IGSF21: variants seen among roughly 807,000 people sequenced by gnomAD.
IGSF21 encodes the protein immunoglobin superfamily member 21.
IGSF21 carries 28 observed loss-of-function variants against 46.8 expected under a neutral mutation model. That is an observed-to-expected ratio of 0.60 (90% CI 0.44 to 0.82). The LOEUF (loss-of-function observed/expected upper bound fraction) is 0.82. Among genes scored for constraint, IGSF21 ranks in the 40% least tolerant of loss-of-function variants. The pLI is 0.00. For synonymous variants in IGSF21, 284 were observed against 273.6 expected (o/e 1.04, Z -0.38); for missense variants, 624 against 665.5 (o/e 0.94, Z 0.69).
At chr1:18,216,208 G>GTTCCAGGAAGAGGAACTTCC (rs1553154737) in intron 1 of IGSF21, among the ~76,000 whole-genome samples, 6 of 151,704 alleles carry the variant, frequency 4.0e-5, no homozygotes, top group Admixed American at 3.9e-4. Context: ...GAGGAGAAGG[G>GTTCCAGGAAGAGGAACTTCC]TGTTCCAGGA....
intron 3 of IGSF21, among the ~76,000 whole-genome samples, chr1:18,318,465 CGTGTGTGT>C (rs60257732): frequency 8.6e-4 from 128 of 148,798 alleles, no homozygotes; most frequent in Non-Finnish European, 1.4e-3. Flanking sequence ...TGCGTGCGTG[CGTGTGTGT>C]GTGTGTGTGT....
intron 3 of IGSF21, among the ~76,000 whole-genome samples, chr1:18,298,264 G>T (rs1393203540): frequency 6.6e-6 from 1 of 152,178 alleles, no homozygotes. Flanking sequence ...AGAGAGGGTG[G>T]GTTGGAAGTG....
intron 1 of IGSF21, among the ~76,000 whole-genome samples, chr1:18,227,184 C>T (rs925711): frequency 0.47 from 72,135 of 151,958 alleles, 17,334 homozygotes; most frequent in Non-Finnish European, 0.49. Flanking sequence ...GGCTTGGACC[C>T]GACCCTCCCT....
chr1:18,138,216 C>T (rs1204470457), intron 1 of IGSF21, among the ~76,000 whole-genome samples: 3 of 152,140 alleles, frequency 2.0e-5, no homozygotes, highest in Non-Finnish European at 4.4e-5. Flanking sequence ...AACCAGTGAG[C>T]TTTAAGATCC....
rs940644779 is a variant in IGSF21, at chr1:18,252,772, A to G, written c.183+24762A>G. Among the ~76,000 whole-genome samples the G allele has an allele frequency of 3.3e-5, 5 of 152,190 alleles. No homozygotes were observed. In the East Asian group the frequency reaches 5.8e-4, roughly 18 times the overall value. Reference sequence around the variant, plus strand: ...AACAATATACGGGGGCCGGGGGTACAAAGATCATGGGTTCCAGCCCACCTC... The same window carrying G: ...AACAATATACGGGGGCCGGGGGTACGAAGATCATGGGTTCCAGCCCACCTC... On this transcript the variant is annotated intron_variant, in intron 2 of 9. Coordinates refer to ENST00000251296, the MANE Select transcript of IGSF21 (RefSeq NM_032880.5).
intron 2 of IGSF21, among the ~76,000 whole-genome samples, chr1:18,260,504 G>A (rs2084936910): frequency 6.6e-6 from 1 of 152,252 alleles, no homozygotes; most frequent in Non-Finnish European, 1.5e-5. Flanking sequence ...TACCCCACAG[G>A]TAGTGCACCC....
intron 6 of IGSF21, among the ~76,000 whole-genome samples, chr1:18,366,308 G>T (rs1192058547): frequency 6.6e-6 from 1 of 152,142 alleles, no homozygotes; most frequent in Non-Finnish European, 1.5e-5. Context: ...CTTCAGGAAG[G>T]GTTGCTGAGT....
intron 2 of IGSF21, among the ~76,000 whole-genome samples, chr1:18,258,691 C>A (rs1373686966): frequency 6.6e-6 from 1 of 152,148 alleles, no homozygotes; most frequent in South Asian, 2.1e-4. Flanking sequence ...AGCTGTGTAA[C>A]CTTGGGCAGT....
chr1:18,345,187 C>T lies in IGSF21; in HGVS notation c.424+10177C>T, dbSNP rs574429951. Reference sequence around the variant, plus strand: ...GTGAGTGACATGCAGATGCCCAGCCCCTCCAAACTAGAAAAGGTGGAGGCT... The same window carrying T: ...GTGAGTGACATGCAGATGCCCAGCCTCTCCAAACTAGAAAAGGTGGAGGCT... On this transcript the variant is annotated intron_variant, in intron 4 of 9. Coordinates refer to ENST00000251296, the MANE Select transcript of IGSF21 (RefSeq NM_032880.5). Among the ~76,000 whole-genome samples, 13 of 152,314 alleles carry T rather than the reference C, an allele frequency of 8.5e-5. No homozygotes were observed. In the South Asian group the frequency reaches 2.5e-3, roughly 29 times the overall value.
At chr1:18,176,204 A>G (rs976416279) in intron 1 of IGSF21, 10 of 152,244 alleles carry the variant, frequency 6.6e-5, no homozygotes, top group Admixed American at 5.2e-4. Context: ...AGGATTTTCA[A>G]GGCAGTGTCA....
chr1:18,262,679 C>A (rs989380863), intron 2 of IGSF21, among the ~76,000 whole-genome samples: 1 of 152,178 alleles, frequency 6.6e-6, no homozygotes, highest in African/African-American at 2.4e-5. Context: ...ACAAGCCCTG[C>A]ATGAATCCAT....
At chr1:18,206,779 A>T (rs1469043804) in intron 1 of IGSF21, among the ~76,000 whole-genome samples, 2 of 152,164 alleles carry the variant, frequency 1.3e-5, no homozygotes, top group African/African-American at 2.4e-5. Flanking sequence ...GTATGATGGG[A>T]GCTACCTAAA....
At chr1:18,262,677 T>C (rs2084956986) in intron 2 of IGSF21, among the ~76,000 whole-genome samples, 1 of 152,214 alleles carries the variant, frequency 6.6e-6, no homozygotes, top group Admixed American at 6.5e-5. Context: ...GCACAAGCCC[T>C]GCATGAATCC....
chr1:18,362,284 C>T (rs905787245), intron 5 of IGSF21, 54 bp downstream of exon 5: 19 of 1,302,790 alleles, frequency 1.5e-5, no homozygotes, highest in Middle Eastern at 3.8e-4. Flanking sequence ...CACCCTGCTT[C>T]GGGGCTGGTC....
intron 1 of IGSF21, among the ~76,000 whole-genome samples, chr1:18,183,644 C>G (rs2086877036): frequency 6.6e-6 from 1 of 152,190 alleles, no homozygotes; most frequent in Non-Finnish European, 1.5e-5. Context: ...TCTCCTACCA[C>G]AGATTTATGG....
At chr1:18,323,174 T>C (rs998548318) in intron 3 of IGSF21, among the ~76,000 whole-genome samples, 5 of 152,192 alleles carry the variant, frequency 3.3e-5, no homozygotes, top group African/African-American at 1.2e-4. Context: ...CTTTCTCACA[T>C]TGGAAAAAGG....
intron 1 of IGSF21, among the ~76,000 whole-genome samples, chr1:18,147,214 G>A (rs535004010): frequency 6.6e-6 from 1 of 152,254 alleles, no homozygotes; most frequent in East Asian, 1.9e-4. Context: ...TTCCGGGCTT[G>A]AACCCCTCCA....
At chr1:18,225,085 T>TCTCTCTCTCACACACACACA in intron 1 of IGSF21, among the ~76,000 whole-genome samples, 5 of 51,606 alleles carry the variant, frequency 9.7e-5, no homozygotes, top group Admixed American at 2.1e-4. Flanking sequence ...TCTCTCTCTC[T>TCTCTCTCTCACACACACACA]CACACACACA....
chr1:18,130,235 C>T (rs2086306175), intron 1 of IGSF21, among the ~76,000 whole-genome samples: 1 of 152,180 alleles, frequency 6.6e-6, no homozygotes, highest in African/African-American at 2.4e-5. Context: ...TTGAGTGTGA[C>T]AAGGGGCTTA....
Sources: allele counts gnomAD v4.1 joint callset (sites outside exome capture counted in the v4.1 genomes callset), GRCh38; gene constraint gnomAD v4.1.1; transcripts MANE v1.5; gene names NCBI Gene and HGNC (gene_info 2026-07-23, HGNC 2026-07-21).